ZNF385D: variants seen among roughly 807,000 people sequenced by gnomAD.
ZNF385D encodes zinc finger protein 659.
ZNF385D carries 15 observed loss-of-function variants against 35.8 expected under a neutral mutation model. That is an observed-to-expected ratio of 0.42 (90% confidence interval 0.28 to 0.64). ZNF385D has a LOEUF of 0.64. Among genes scored for constraint, ZNF385D ranks in the 30% least tolerant of loss-of-function variants. ZNF385D has a pLI of 0.23. For synonymous variants in ZNF385D, 212 were observed against 186.8 expected, an observed-to-expected ratio of 1.13 and a Z score of -1.10; for missense variants, 474 against 494.6, an observed-to-expected ratio of 0.96 and a Z score of 0.39.
intron 2 of ZNF385D, among the ~76,000 whole-genome samples, chr3:22,335,621 A>G (rs891056533): frequency 2.8e-4 from 42 of 152,294 alleles, no homozygotes; most frequent in African/African-American, 9.4e-4. Flanking sequence ...CAGGTAATAA[A>G]TTCAACTTGT....
At chr3:21,481,922 G>C (rs1207544354) in intron 4 of ZNF385D, among the ~76,000 whole-genome samples, 2 of 151,980 alleles carry the variant, frequency 1.3e-5, no homozygotes, top group African/African-American at 4.8e-5. Flanking sequence ...TGAATATTTG[G>C]ACACTACTCT....
At chr3:21,979,707 A>C (rs1182876469) in intron 3 of ZNF385D, 2 of 152,204 alleles carry the variant, frequency 1.3e-5, no homozygotes, top group Non-Finnish European at 2.9e-5. Flanking sequence ...AAAAAGAAAG[A>C]GAGAAGAATG....
At chr3:21,734,886 T>C (rs1416736897) in intron 1 of ZNF385D, among the ~76,000 whole-genome samples, 3 of 152,154 alleles carry the variant, frequency 2.0e-5, no homozygotes, top group Non-Finnish European at 4.4e-5. Flanking sequence ...GGATGATTAT[T>C]GCATTTACTA....
chr3:21,752,817 C>T (rs553460512), upstream of ZNF385D, among the ~76,000 whole-genome samples: 4 of 152,138 alleles, frequency 2.6e-5, no homozygotes, highest in African/African-American at 4.8e-5. Context: ...GAAGAAAATG[C>T]GTAAATGTTT....
At chr3:22,247,038 C>T (rs1396801157) in intron 2 of ZNF385D, among the ~76,000 whole-genome samples, 2 of 152,126 alleles carry the variant, frequency 1.3e-5, no homozygotes, top group Admixed American at 6.6e-5. Flanking sequence ...TACACTAACT[C>T]ACACAGTTTT....
At chr3:21,876,802 G>C (rs1697998432) in intron 3 of ZNF385D, among the ~76,000 whole-genome samples, 1 of 151,844 alleles carries the variant, frequency 6.6e-6, no homozygotes, top group Non-Finnish European at 1.5e-5. Flanking sequence ...ATTCTGTACA[G>C]CTTCACCCTG....
At chr3:21,777,948 C>A (rs1164129250) in intron 3 of ZNF385D, among the ~76,000 whole-genome samples, 1 of 151,854 alleles carries the variant, frequency 6.6e-6, no homozygotes, top group Non-Finnish European at 1.5e-5. Context: ...GAAGCAAACC[C>A]ATCCAGCTGA....
chr3:22,029,489 A>T (rs1292204657), intron 3 of ZNF385D, among the ~76,000 whole-genome samples: 1 of 152,238 alleles, frequency 6.6e-6, no homozygotes, highest in Non-Finnish European at 1.5e-5. Context: ...CAAGGAAAAC[A>T]CAGAATAAAT....
In ZNF385D at chr3:21,424,728, G is replaced by A. The variant is rs368319171; in HGVS notation, c.853-664C>T. Among the ~76,000 whole-genome samples the A allele has an allele frequency of 2.1e-4, 30 of 139,772 alleles. No homozygotes were observed. The East Asian group carries it at 6.4e-3, about 30-fold the overall frequency. The allele number at this position is 139,772 out of a possible 152,430, so 91.7% of individuals were successfully genotyped here. A position where few individuals can be genotyped will look rare whatever the true frequency, so the allele number is the denominator to read the frequency against. ...TTTGAAAAACATTTACAAAGGGAAG[G>A]AATGTCTAAAGGAATTTTACATGCA... On this transcript the variant is annotated intron_variant, in intron 6 of 7. Transcript: ENST00000281523.
intron 3 of ZNF385D, among the ~76,000 whole-genome samples, chr3:22,019,327 A>G (rs1253669255): frequency 1.3e-5 from 2 of 151,834 alleles, no homozygotes; most frequent in South Asian, 2.1e-4. Flanking sequence ...TTTTATCTCT[A>G]TAAGCAGATG....
intron 2 of ZNF385D, among the ~76,000 whole-genome samples, chr3:22,227,290 C>A (rs559029649): frequency 6.6e-6 from 1 of 152,116 alleles, no homozygotes; most frequent in South Asian, 2.1e-4. Context: ...GACTCATAAG[C>A]AGGCCTCAGA....
At chr3:22,004,686 CAA>C (rs1037476651) in intron 3 of ZNF385D, among the ~76,000 whole-genome samples, 34 of 152,284 alleles carry the variant, frequency 2.2e-4, no homozygotes, top group African/African-American at 8.2e-4. Flanking sequence ...AGACAGAACT[CAA>C]AGTCATCCTT....
At chr3:21,682,346 A>C (rs1438141923) in intron 1 of ZNF385D, among the ~76,000 whole-genome samples, 1 of 150,280 alleles carries the variant, frequency 6.7e-6, no homozygotes, top group Non-Finnish European at 1.5e-5. Flanking sequence ...AGGACAGGCA[A>C]GTAAGAGTAA....
intron 2 of ZNF385D, among the ~76,000 whole-genome samples, chr3:21,572,740 TG>T (rs2063372338): frequency 6.6e-6 from 1 of 152,168 alleles, no homozygotes. Flanking sequence ...TTTCCACCCT[TG>T]CACAGCAGAA....
intron 2 of ZNF385D, among the ~76,000 whole-genome samples, chr3:22,224,731 C>T (rs1377492304): frequency 6.6e-6 from 1 of 152,212 alleles, no homozygotes; most frequent in East Asian, 1.9e-4. Context: ...TCACTACTCA[C>T]TGATAATGAA....
chr3:22,048,554 C>T (rs894571872), intron 3 of ZNF385D, among the ~76,000 whole-genome samples: 12 of 152,270 alleles, frequency 7.9e-5, no homozygotes, highest in African/African-American at 2.9e-4. Flanking sequence ...CAATTGACAA[C>T]AAATACATGA....
chr3:22,349,940 A>G (rs1695840610), intron 2 of ZNF385D, among the ~76,000 whole-genome samples: 1 of 152,206 alleles, frequency 6.6e-6, no homozygotes, highest in African/African-American at 2.4e-5. Context: ...AAAAGATTAC[A>G]AGTGTGAAAT....
In ZNF385D at chr3:22,099,890, C is replaced by A. The variant is rs184642831; in HGVS notation, c.325+68927G>T. Reference sequence around the variant, plus strand: ...ATGTATAGAATATTAGGCCAAAGAACTGAGATCCTGGTAAAACCTTTATCA... The same window carrying A: ...ATGTATAGAATATTAGGCCAAAGAAATGAGATCCTGGTAAAACCTTTATCA... On this transcript the variant is annotated intron_variant, in intron 3 of 5. Coordinates refer to the ZNF385D transcript ENST00000494108. Among the ~76,000 whole-genome samples, 143 of 140,018 alleles carry A rather than the reference C, an allele frequency of 1.0e-3. 1 individual carries two copies. Among genetic ancestry groups the A allele is most frequent in the African/African-American group, 3.5e-3 (133 of 37,508 alleles). 91.9% of individuals were successfully genotyped at this position (140,018 alleles called of 152,430 possible).
rs76615607 is a variant in ZNF385D, at chr3:22,242,818, G to A, written c.107-73783C>T. Among the ~76,000 whole-genome samples, 9 of 151,124 alleles carry A rather than the reference G, an allele frequency of 6.0e-5. 1 individual carries two copies. In the East Asian group the frequency reaches 1.4e-3, roughly 23 times the overall value. On this transcript the variant is annotated intron_variant, in intron 2 of 5. Transcript: ENST00000494108. Reference sequence around the variant, plus strand: ...ATAATTATGTAAGATGTTCACATAAGGCAAGCTGGGTGAGAGGTTTACAGA... The same window carrying A: ...ATAATTATGTAAGATGTTCACATAAAGCAAGCTGGGTGAGAGGTTTACAGA...
Sources: allele counts gnomAD v4.1 joint callset (sites outside exome capture counted in the v4.1 genomes callset), GRCh38; gene constraint gnomAD v4.1.1; transcripts MANE v1.5; gene names NCBI Gene and HGNC (gene_info 2026-07-23, HGNC 2026-07-21).